Variants in KRT8 observed in about 807,000 individuals in gnomAD.
KRT8 encodes keratin 8.
In KRT8, 24 loss-of-function variants were observed where a neutral mutation model predicts 43.0. The ratio of observed to expected loss-of-function variants is 0.56; its 90% CI spans 0.40 to 0.78. KRT8 has a LOEUF of 0.78. Among genes scored for constraint, KRT8 ranks in the 30% least tolerant of loss-of-function variants. The pLI is 0.00. For synonymous variants in KRT8, 214 were observed against 261.2 expected (o/e 0.82, Z 1.74); for missense variants, 492 against 638.4 (o/e 0.77, Z 2.47).
At chr12:52,901,265 G>T in intron 2 of KRT8, 46 bp from the exon 3 acceptor site, 1 of 1,396,906 alleles carries the variant, frequency 7.2e-7, no homozygotes, top group Non-Finnish European at 1.0e-6. Context: ...CAAAAGGGAG[G>T]TTGCCCTTGG....
chr12:52,914,571 C>T (rs11609037), intron 2 of KRT8, among the ~76,000 whole-genome samples: 50,803 of 152,068 alleles, frequency 0.33, 8,797 homozygotes, highest in Middle Eastern at 0.41. Flanking sequence ...CTCAAGCAAT[C>T]CTCCCACCTT....
At chr12:52,915,237 G>A (rs959340249) in intron 2 of KRT8, among the ~76,000 whole-genome samples, 1 of 152,038 alleles carries the variant, frequency 6.6e-6, no homozygotes, top group Non-Finnish European at 1.5e-5. Context: ...GCCGGGCGAG[G>A]TGGCGGGCAC....
At chr12:52,903,821 C>T (rs112376783) in intron 1 of KRT8, among the ~76,000 whole-genome samples, 2,420 of 151,528 alleles carry the variant, frequency 0.016, 58 homozygotes, top group African/African-American at 0.056. Context: ...ATGGGCTTTC[C>T]GAGGCCAGGC....
intron 7 of KRT8, among the ~76,000 whole-genome samples, chr12:52,897,974 C>T (rs1289326307): frequency 2.6e-5 from 4 of 152,006 alleles, no homozygotes; most frequent in Non-Finnish European, 5.9e-5. Context: ...GACCAGCCTG[C>T]CCAACACAGT....
At chr12:52,899,045 T>A in intron 5 of KRT8, 146 bp from the exon 6 acceptor site, 1 of 740,166 alleles carries the variant, frequency 1.4e-6, no homozygotes, top group Admixed American at 2.0e-5. Context: ...CCGGGCACAG[T>A]GGCTCATGCC....
At chr12:52,899,999 A>C (rs989720715) in exon 5 of KRT8, 1 of 1,612,968 alleles carries the variant, frequency 6.2e-7, no homozygotes, top group African/African-American at 1.3e-5. Context: ...ATGTCCAGGG[A>C]GCGGCTGTTG....
upstream of KRT8, among the ~76,000 whole-genome samples, chr12:52,911,584 C>A (rs1052743997): frequency 6.6e-6 from 1 of 152,140 alleles, no homozygotes; most frequent in Non-Finnish European, 1.5e-5. Context: ...ATTTAACCTT[C>A]GTAAGAACAC....
At chr12:52,925,969 T>C (rs899884180) in intron 2 of KRT8, among the ~76,000 whole-genome samples, 2 of 152,030 alleles carry the variant, frequency 1.3e-5, no homozygotes, top group African/African-American at 4.8e-5. Flanking sequence ...GTTCTCTGTG[T>C]CCCTGAGAAA....
rs1215016016 is a variant in KRT8 at position 52,900,074 on chromosome 12, G to A, written c.691-9C>T. 1 of 1,612,054 alleles carries A rather than the reference G, an allele frequency of 6.2e-7. No individual in the cohort carries two copies. The highest frequency in any genetic ancestry group is 8.5e-7 in the Non-Finnish European group (1 of 1,179,962). ...TGCAGCTCCCGGATCTCCTGTGGGG[G>A]AAGAGGGCAAGTGGTGAGGCCCTGT... On this transcript the variant is annotated splice_polypyrimidine_tract_variant and intron_variant, in intron 4 of 7. Transcript: ENST00000692008.
intron 2 of KRT8, among the ~76,000 whole-genome samples, chr12:52,926,699 T>C (rs148084827): frequency 6.6e-6 from 1 of 152,272 alleles, no homozygotes; most frequent in East Asian, 1.9e-4. Context: ...TTTGTCTCAT[T>C]TGACCCTCAC....
intron 2 of KRT8, among the ~76,000 whole-genome samples, chr12:52,931,363 G>A (rs1034750447): frequency 3.3e-5 from 5 of 151,784 alleles, no homozygotes; most frequent in Non-Finnish European, 7.4e-5. Flanking sequence ...CACCATGCCC[G>A]GCCAGTGTCT....
intron 3 of KRT8, 54 bp from the exon 4 acceptor site, chr12:52,900,737 C>G: frequency 1.6e-6 from 2 of 1,259,436 alleles, no homozygotes; most frequent in South Asian, 1.2e-5. Context: ...CAACCCCAAC[C>G]AAGGGGCTCC....
At chr12:52,897,399 G>T (rs756592751) in exon 8 of KRT8, 38 of 1,583,516 alleles carry the variant, frequency 2.4e-5, no homozygotes, top group Non-Finnish European at 3.3e-5. Context: ...GCGCAGGAGG[G>T]GTAGGCTGGG....
intron 1 of KRT8, chr12:52,949,601 G>C (rs982821005): frequency 6.2e-7 from 1 of 1,610,460 alleles, no homozygotes; most frequent in African/African-American, 1.3e-5. Context: ...GTAAGGGGTA[G>C]GAGGGACCTC....
chr12:52,901,076 G>A (rs1941357755), intron 3 of KRT8, 83 bp downstream of exon 3: 1 of 1,003,774 alleles, frequency 1.0e-6, no homozygotes, highest in African/African-American at 1.6e-5. Context: ...GAATATTTAG[G>A]GACAAAACCC....
intron 2 of KRT8, among the ~76,000 whole-genome samples, chr12:52,921,716 G>A (rs1193774282): frequency 3.9e-5 from 6 of 152,040 alleles, no homozygotes; most frequent in South Asian, 4.1e-4. Flanking sequence ...TGCATCCCCA[G>A]CTGTGGCCGG....
chr12:52,923,506 G>A (rs1212473704), intron 2 of KRT8, among the ~76,000 whole-genome samples: 1 of 152,168 alleles, frequency 6.6e-6, no homozygotes, highest in African/African-American at 2.4e-5. Flanking sequence ...TGCAAGCTCT[G>A]CCTCCTGGGT....
At chr12:52,932,641 T>C (rs1005921590) in intron 2 of KRT8, among the ~76,000 whole-genome samples, 10 of 152,020 alleles carry the variant, frequency 6.6e-5, no homozygotes, top group Non-Finnish European at 1.3e-4. Context: ...AAAATGATTA[T>C]CTATTTAGAA....
intron 2 of KRT8, among the ~76,000 whole-genome samples, chr12:52,916,613 A>C (rs1332686480): frequency 2.6e-5 from 4 of 152,166 alleles, no homozygotes; most frequent in African/African-American, 7.2e-5. Flanking sequence ...CCCAGAGTAG[A>C]TGCTCCAGAG....
Sources: gnomAD v4.1 joint callset for allele counts (sites outside exome capture counted in the v4.1 genomes callset) on GRCh38, gnomAD v4.1.1 for gene constraint, MANE v1.5 for transcripts, NCBI Gene and HGNC (gene_info 2026-07-23, HGNC 2026-07-21) for gene names.